The following HMGB1 variants were observed in gnomAD, a reference collection of about 807,000 sequenced individuals.
HMGB1 encodes high mobility group box 1, also known as high mobility group protein B1.
For synonymous variants in HMGB1, 81 were observed against 84.0 expected, an observed-to-expected ratio of 0.96 and a Z score of 0.19; for missense variants, 79 against 253.5, an observed-to-expected ratio of 0.31 and a Z score of 4.67.
intron 1 of HMGB1, among the ~76,000 whole-genome samples, chr13:30,578,803 C>T (rs1202822387): frequency 2.0e-5 from 3 of 152,192 alleles, no homozygotes; most frequent in Non-Finnish European, 4.4e-5. Context: ...GGAACAAGTT[C>T]AACGCTTTCA....
intron 1 of HMGB1, among the ~76,000 whole-genome samples, chr13:30,517,658 G>A (rs1888130591): frequency 6.6e-6 from 1 of 152,156 alleles, no homozygotes; most frequent in South Asian, 2.1e-4. Context: ...CAAAGTATTG[G>A]GATTACAGGC....
intron 1 of HMGB1, among the ~76,000 whole-genome samples, chr13:30,566,018 C>G (rs1870168597): frequency 6.6e-6 from 1 of 152,204 alleles, no homozygotes; most frequent in Non-Finnish European, 1.5e-5. Context: ...GGGTCCTATT[C>G]AGACTGTGGT....
At chr13:30,492,267 G>A (rs1273416227) in intron 1 of HMGB1, among the ~76,000 whole-genome samples, 2 of 151,824 alleles carry the variant, frequency 1.3e-5, no homozygotes, top group Non-Finnish European at 2.9e-5. Context: ...AGGTGGGAGG[G>A]TTGCTTGAGC....
At chr13:30,472,900 T>C (rs143919863) in intron 1 of HMGB1, among the ~76,000 whole-genome samples, 3 of 151,298 alleles carry the variant, frequency 2.0e-5, no homozygotes, top group African/African-American at 7.3e-5. Context: ...ATGAGGCATT[T>C]AGGAAAAGAA....
At chr13:30,602,472 A>C (rs1299575715) in intron 1 of HMGB1, among the ~76,000 whole-genome samples, 1 of 152,262 alleles carries the variant, frequency 6.6e-6, no homozygotes, top group Non-Finnish European at 1.5e-5. Context: ...CAGTTCGACT[A>C]AAAACATGTT....
At chr13:30,548,819 T>A (rs891244386) in intron 1 of HMGB1, among the ~76,000 whole-genome samples, 1 of 152,208 alleles carries the variant, frequency 6.6e-6, no homozygotes, top group Non-Finnish European at 1.5e-5. Flanking sequence ...TCAGTATCTG[T>A]TCCTAAGACC....
At chr13:30,612,822 T>A (rs781726091) in intron 1 of HMGB1, among the ~76,000 whole-genome samples, 4 of 152,248 alleles carry the variant, frequency 2.6e-5, no homozygotes, top group Non-Finnish European at 5.9e-5. Flanking sequence ...CAAGTACTTA[T>A]AGAACGTTAT....
At chr13:30,569,569 T>C (rs922075589) in intron 1 of HMGB1, among the ~76,000 whole-genome samples, 12 of 152,162 alleles carry the variant, frequency 7.9e-5, no homozygotes, top group Admixed American at 7.9e-4. Flanking sequence ...ATTTTATAGA[T>C]GAGAACACTG....
chr13:30,576,110 C>T (rs1308495868), intron 1 of HMGB1, among the ~76,000 whole-genome samples: 1 of 152,228 alleles, frequency 6.6e-6, no homozygotes, highest in Admixed American at 6.5e-5. Flanking sequence ...ATGTCTTCCT[C>T]TCCCCAAATG....
rs192555139 is a variant in HMGB1 at position 30,510,912 on chromosome 13, A to G, written c.-14-47218T>C. ...TTCTATTCCTTATTCTTCAAAATGT[A>G]TTGTGTATATCAGGAACATCTCTTC... On this transcript the variant is annotated intron_variant, in intron 1 of 4. Transcript: ENST00000405805. Among the ~76,000 whole-genome samples, 13 of 152,262 alleles carry G rather than the reference A, an allele frequency of 8.5e-5. No individual in the cohort carries two copies. The East Asian group carries it at 2.5e-3, about 29-fold the overall frequency.
At position 30,465,910 on chromosome 13, in the gene HMGB1, T is replaced by G; in HGVS notation, c.-129A>C. 2.0e-6 allele frequency: 2 copies of G among 985,914 alleles called. No individual in the cohort carries two copies. The highest frequency in any genetic ancestry group is 4.7e-5 in the South Asian group (1 of 21,288). 61.1% of individuals were successfully genotyped at this position (985,914 alleles called of 1,614,324 possible). A position where few individuals can be genotyped will look rare whatever the true frequency, so the allele number is the denominator to read the frequency against. On this transcript the variant is annotated 5_prime_UTR_variant, in exon 1 of 5. Coordinates refer to ENST00000341423, the MANE Select transcript of HMGB1 (RefSeq NM_002128.7). ...GTGAGAGCGGGAGCCAGACGCAGCC[T>G]CCTCACTCTCTCCGCTCTGTAACAT...
chr13:30,475,139 T>TC (rs1491566645), intron 1 of HMGB1, among the ~76,000 whole-genome samples: 2,178 of 20,536 alleles, frequency 0.11, 75 homozygotes, highest in South Asian at 0.19. Flanking sequence ...TCTCTCTCTC[T>TC]TTTTTTTTTT....
At chr13:30,472,427 C>T (rs1340529022) in intron 1 of HMGB1, among the ~76,000 whole-genome samples, 1 of 152,066 alleles carries the variant, frequency 6.6e-6, no homozygotes, top group Non-Finnish European at 1.5e-5. Flanking sequence ...ATGTTGAAAC[C>T]GCATCTCTAC....
rs1223393350 is a variant in HMGB1 at position 30,460,062 on chromosome 13, A to G, written c.*1295T>C. The stretch of plus-strand genomic sequence containing the variant: ...GAAAACGATAATCTCGAAAACCACA[A>G]AATTGCCAAATTGTTCCCTAAACTC... On this transcript the variant is annotated 3_prime_UTR_variant, in exon 5 of 5. Transcript: ENST00000341423. 6.6e-6 allele frequency: 1 copy of G among 152,616 alleles called. No individual in the cohort carries two copies. The highest frequency in any genetic ancestry group is 1.9e-4 in the East Asian group (1 of 5,206). The allele number at this position is 152,616 out of a possible 1,614,324, so 9.5% of individuals were successfully genotyped here. A position where few individuals can be genotyped will look rare whatever the true frequency, so the allele number is the denominator to read the frequency against.
intron 1 of HMGB1, among the ~76,000 whole-genome samples, chr13:30,598,046 T>C (rs552098720): frequency 6.6e-6 from 1 of 152,352 alleles, no homozygotes; most frequent in South Asian, 2.1e-4. Context: ...AGTTAGCAAC[T>C]TTTTACATTT....
At chr13:30,591,423 C>G (rs1005807891) in intron 1 of HMGB1, among the ~76,000 whole-genome samples, 1 of 152,008 alleles carries the variant, frequency 6.6e-6, no homozygotes, top group Non-Finnish European at 1.5e-5. Flanking sequence ...AAAGAAACAC[C>G]TGGCGATTTT....
At chr13:30,480,662 T>C (rs1043197584) in intron 1 of HMGB1, among the ~76,000 whole-genome samples, 4 of 152,152 alleles carry the variant, frequency 2.6e-5, no homozygotes, top group Non-Finnish European at 5.9e-5. Context: ...AGTGAGGACC[T>C]GCTCCCTTCT....
intron 1 of HMGB1, chr13:30,465,134 G>A (rs1258883984): frequency 1.9e-5 from 18 of 966,632 alleles, no homozygotes; most frequent in East Asian, 1.2e-4. Flanking sequence ...AGCCAGCAGC[G>A]CCGGGCCCGA....
At position 30,462,800 on chromosome 13, in the gene HMGB1, T is replaced by C. The variant is rs2137397566; in HGVS notation, c.297-88A>G. ...TGTACACTGCATTGCTATTTAAAGCTGCCTGTGAATTTCTGTGATGCATTG... is the reference window on the plus strand; with the variant it reads ...TGTACACTGCATTGCTATTTAAAGCCGCCTGTGAATTTCTGTGATGCATTG... On this transcript the variant is annotated intron_variant, in intron 3 of 4. Coordinates refer to ENST00000341423, the MANE Select transcript of HMGB1 (RefSeq NM_002128.7). The C allele has an allele frequency of 2.8e-6, 3 of 1,071,000 alleles. No individual in the cohort carries two copies. The South Asian group carries it at 4.3e-5, about 15-fold the overall frequency. The allele number at this position is 1,071,000 out of a possible 1,614,324, so 66.3% of individuals were successfully genotyped here.
Sources: gnomAD v4.1 joint callset for allele counts (sites outside exome capture counted in the v4.1 genomes callset) on GRCh38, gnomAD v4.1.1 for gene constraint, MANE v1.5 for transcripts, NCBI Gene and HGNC (gene_info 2026-07-23, HGNC 2026-07-21) for gene names.